PMFBP1: variants seen among roughly 807,000 people sequenced by gnomAD.
PMFBP1 encodes polyamine-modulated factor 1-binding protein 1.
PMFBP1 carries 131 observed loss-of-function variants against 137.8 expected under a neutral mutation model. The ratio of observed to expected loss-of-function variants is 0.95; its 90% CI spans 0.82 to 1.10. The LOEUF (loss-of-function observed/expected upper bound fraction) is 1.10, where lower values mean the gene tolerates loss of function less well. Ranked by LOEUF, PMFBP1 falls within the 50% of genes least tolerant of loss-of-function variation. The pLI is 0.00. For missense variants in PMFBP1, 1,199 were observed against 1,175.4 expected, an observed-to-expected ratio of 1.02 and a Z score of -0.29; for synonymous variants, 490 against 450.4, an observed-to-expected ratio of 1.09 and a Z score of -1.11.
intron 4 of PMFBP1, among the ~76,000 whole-genome samples, chr16:72,153,657 A>G (rs1294610922): frequency 6.6e-6 from 1 of 151,204 alleles, no homozygotes; most frequent in African/African-American, 2.4e-5. Flanking sequence ...ATGGGAATTA[A>G]TGTCCTGAAT....
At chr16:72,244,311 TAAAC>T in the PMFBP1 span, among the ~76,000 whole-genome samples, 2 of 151,978 alleles carry the variant, frequency 1.3e-5, no homozygotes, top group South Asian at 4.2e-4. Context: ...AGAGAGATAA[TAAAC>T]AAAAGAGGAA....
the PMFBP1 span, among the ~76,000 whole-genome samples, chr16:72,227,050 AAT>A: frequency 6.6e-6 from 1 of 152,332 alleles, no homozygotes; most frequent in East Asian, 1.9e-4. Flanking sequence ...AGAAGAATTT[AAT>A]ATGTTTCTTT....
At chr16:72,125,192 T>A (rs773677796) in intron 16 of PMFBP1, 46 bp downstream of exon 16, 1 of 1,588,528 alleles carries the variant, frequency 6.3e-7, no homozygotes, top group Non-Finnish European at 8.5e-7. Context: ...GGTGACCTTG[T>A]GGACCCCTAC....
intron 4 of PMFBP1, among the ~76,000 whole-genome samples, chr16:72,151,964 G>A (rs2144417503): frequency 6.6e-6 from 1 of 152,206 alleles, no homozygotes; most frequent in East Asian, 1.9e-4. Context: ...AATGACTGGG[G>A]GTATGTTGGT....
the PMFBP1 span, among the ~76,000 whole-genome samples, chr16:72,182,820 G>C: frequency 6.6e-6 from 1 of 152,136 alleles, no homozygotes; most frequent in Non-Finnish European, 1.5e-5. Flanking sequence ...ATATGGAGTT[G>C]CGCTGGGTTT....
At chr16:72,119,395 G>A in intron 20 of PMFBP1, 41 bp from the exon 21 acceptor site, 1 of 1,614,124 alleles carries the variant, frequency 6.2e-7, no homozygotes, top group South Asian at 1.1e-5. Context: ...GATTCGAGGA[G>A]AAATTAACGA....
intron 5 of PMFBP1, among the ~76,000 whole-genome samples, chr16:72,141,895 C>A (rs987872441): frequency 1.3e-5 from 2 of 151,884 alleles, no homozygotes; most frequent in Admixed American, 6.6e-5. Flanking sequence ...TGGCTATTTT[C>A]CTTGAACCAT....
chr16:72,198,956 G>A, the PMFBP1 span, among the ~76,000 whole-genome samples: 3 of 152,102 alleles, frequency 2.0e-5, no homozygotes, highest in East Asian at 3.9e-4. Context: ...AGTTAGCAGC[G>A]TCATCGATCT....
At chr16:72,146,902 T>C (rs1419127046) in intron 5 of PMFBP1, among the ~76,000 whole-genome samples, 2 of 152,230 alleles carry the variant, frequency 1.3e-5, no homozygotes, top group Non-Finnish European at 2.9e-5. Flanking sequence ...GAACATTCCA[T>C]GCTCATGGAT....
At chr16:72,169,210 C>A (rs910012058) in intron 2 of PMFBP1, among the ~76,000 whole-genome samples, 21 of 152,092 alleles carry the variant, frequency 1.4e-4, no homozygotes, top group African/African-American at 4.3e-4. Flanking sequence ...AATGGGAAAC[C>A]ACTTTTAACC....
chr16:72,238,914 A>T, the PMFBP1 span, among the ~76,000 whole-genome samples: 1 of 152,110 alleles, frequency 6.6e-6, no homozygotes, highest in East Asian at 1.9e-4. Flanking sequence ...GGTGCTAAAC[A>T]TCCTAAAATG....
chr16:72,229,376 C>T, the PMFBP1 span, among the ~76,000 whole-genome samples: 2 of 152,086 alleles, frequency 1.3e-5, no homozygotes, highest in Non-Finnish European at 2.9e-5. Context: ...TAACCAGTAA[C>T]GAGATTGCTG....
intron 15 of PMFBP1, among the ~76,000 whole-genome samples, 171 bp from the exon 16 acceptor site, chr16:72,125,576 C>T (rs1567620620): frequency 6.6e-6 from 1 of 152,156 alleles, no homozygotes; most frequent in Non-Finnish European, 1.5e-5. Flanking sequence ...GGTTGGTTTT[C>T]TGCACCCTGC....
the PMFBP1 span, among the ~76,000 whole-genome samples, chr16:72,243,195 T>A: frequency 8.5e-5 from 13 of 152,260 alleles, no homozygotes; most frequent in Non-Finnish European, 1.9e-4. Flanking sequence ...AAGACATTAA[T>A]GCGATTAAAA....
intron 5 of PMFBP1, among the ~76,000 whole-genome samples, chr16:72,144,328 GA>G (rs1289501928): frequency 1.3e-5 from 2 of 152,070 alleles, no homozygotes; most frequent in South Asian, 2.1e-4. Context: ...AGAAAAAATA[GA>G]AAGTGTAGAA....
At chr16:72,227,992 C>G in the PMFBP1 span, among the ~76,000 whole-genome samples, 4 of 152,186 alleles carry the variant, frequency 2.6e-5, no homozygotes, top group Non-Finnish European at 5.9e-5. Flanking sequence ...CCGTAGCCCC[C>G]ATGGTAACCT....
At chr16:72,243,278 G>A in the PMFBP1 span, among the ~76,000 whole-genome samples, 1 of 152,204 alleles carries the variant, frequency 6.6e-6, no homozygotes, top group Non-Finnish European at 1.5e-5. Context: ...TGTCAATGGT[G>A]TCCTTCCTTA....
chr16:72,208,022 T>C, the PMFBP1 span, among the ~76,000 whole-genome samples: 11 of 152,098 alleles, frequency 7.2e-5, no homozygotes, highest in African/African-American at 2.7e-4. Flanking sequence ...CAGGAGAAGC[T>C]CCCTCTTGGC....
Position 72,129,056 on chromosome 16 carries a change from T to C in PMFBP1, c.1950+10A>G, listed in dbSNP as rs1255379443. 2 of 1,612,706 alleles carry C rather than the reference T, an allele frequency of 1.2e-6. No individual in the cohort carries two copies. Among genetic ancestry groups the C allele is most frequent in the Admixed American group, 1.7e-5 (1 of 59,802 alleles). ...TCCTGACCCAGCTCTCCTGGGATTC[T>C]CCCACTCACCGTCTTGTCTTTCTTT... On this transcript the variant is annotated intron_variant, in intron 13 of 20. Transcript: ENST00000237353.
Sources: gnomAD v4.1 joint callset for allele counts (sites outside exome capture counted in the v4.1 genomes callset) on GRCh38, gnomAD v4.1.1 for gene constraint, MANE v1.5 for transcripts, NCBI Gene and HGNC (gene_info 2026-07-23, HGNC 2026-07-21) for gene names.